The following COQ5 variants were observed in gnomAD, a reference collection of about 807,000 sequenced individuals.
COQ5 encodes the protein 2-methoxy-6-polyprenyl-1,4-benzoquinol methylase, mitochondrial.
COQ5 carries 27 observed loss-of-function variants against 40.5 expected under a neutral mutation model. The ratio of observed to expected loss-of-function variants is 0.67; its 90% CI spans 0.49 to 0.92. The LOEUF (loss-of-function observed/expected upper bound fraction) is 0.92. COQ5 is among the 40% of genes least tolerant of loss of function. The probability of loss-of-function intolerance (pLI) is 0.00; values close to 1 mark genes in which losing one functional copy is unlikely to be tolerated. For missense variants in COQ5, 409 were observed against 406.4 expected (o/e 1.01, Z -0.06); for synonymous variants, 141 against 150.0 (o/e 0.94, Z 0.44).
intron 3 of COQ5, among the ~76,000 whole-genome samples, chr12:120,511,160 G>A (rs1346951149): frequency 8.6e-5 from 13 of 151,788 alleles, no homozygotes; most frequent in African/African-American, 3.1e-4. Flanking sequence ...GGGAGGCTGA[G>A]GCAGGAGAAT....
chr12:120,508,957 A>G (rs1366141158), intron 4 of COQ5, among the ~76,000 whole-genome samples: 1 of 151,830 alleles, frequency 6.6e-6, no homozygotes, highest in Non-Finnish European at 1.5e-5. Flanking sequence ...CCCAGGAGAC[A>G]GAGGTTGTAG....
chr12:120,528,824 A>T, intron 1 of COQ5, 116 bp downstream of exon 1: 1 of 1,010,804 alleles, frequency 9.9e-7, no homozygotes, highest in East Asian at 2.4e-5. Context: ...AAAAAATCAT[A>T]ACTGCACAGA....
intron 2 of COQ5, among the ~76,000 whole-genome samples, chr12:120,520,235 C>T (rs1476505146): frequency 1.3e-5 from 2 of 151,846 alleles, no homozygotes; most frequent in African/African-American, 4.8e-5. Flanking sequence ...CCTCTGCCTC[C>T]TGGGTTCCAG....
chr12:120,528,058 A>C (rs1433983522), intron 1 of COQ5, among the ~76,000 whole-genome samples: 1 of 143,888 alleles, frequency 6.9e-6, no homozygotes, highest in African/African-American at 2.5e-5. Context: ...AAAAATTAGC[A>C]GGGCACAGTG....
chr12:120,520,068 T>C (rs1320442642), intron 2 of COQ5, among the ~76,000 whole-genome samples: 2 of 151,856 alleles, frequency 1.3e-5, no homozygotes, highest in East Asian at 3.8e-4. Context: ...TTTATCATTA[T>C]ACATTACTCT....
chr12:120,522,320 C>A lies in COQ5; in HGVS notation c.246G>T (p.Met82Ile). The change falls in exon 2 of 7, where the codon ATG becomes ATT. Residue 82 changes from methionine (M) to isoleucine (I), a missense_variant. Met to Ile is a conservative substitution (Grantham distance 10). Coordinates refer to ENST00000288532, the MANE Select transcript of COQ5 (RefSeq NM_032314.4). ...GGATACCAAGACTCATCATATCATT[C>A]ATCACATCATACTTCTTAGCCACAC... The part of the protein sequence containing the change: ...FESVAKKYDV[M>I]NDMMSLGIHR... 6.2e-7 allele frequency: 1 copy of A among 1,613,808 alleles called. No individual in the cohort carries two copies.
In COQ5 at chr12:120,510,077, A is replaced by C. The variant is rs757483650; in HGVS notation, c.621T>G (p.Asp207Glu). The part of the protein sequence containing the change: ...LGDAEELPFD[D>E]DKFDIYTIAF... ...CAATGGTGTAAATATCAAACTTGTC[A>C]TCATCAAAGGGCAGTTCTTCAGCAT... Residue 207 changes from aspartate to glutamate, a missense_variant, in exon 4 of 7, where the codon GAT (aspartate) becomes GAG (glutamate). Physicochemically the swap from Asp to Glu is conservative, Grantham distance 45. Coordinates refer to ENST00000288532, the MANE Select transcript of COQ5 (RefSeq NM_032314.4). The C allele has an allele frequency of 5.6e-6, 9 of 1,614,000 alleles. No individual in the cohort carries two copies. Among genetic ancestry groups the C allele is most frequent in the Middle Eastern group, 1.6e-4 (1 of 6,084 alleles).
chr12:120,504,113 T>G, intron 5 of COQ5, 32 bp from the exon 6 acceptor site: 101 of 1,226,112 alleles, frequency 8.2e-5, no homozygotes, highest in Non-Finnish European at 1.0e-4. Context: ...AGATGAAGAT[T>G]AGAACATGCC....
chr12:120,509,957 G>T, intron 4 of COQ5, 60 bp downstream of exon 4: 1 of 1,308,398 alleles, frequency 7.6e-7, no homozygotes, highest in Non-Finnish European at 1.1e-6. Context: ...ACTCACTGTA[G>T]CTCTACAACA....
intron 1 of COQ5, among the ~76,000 whole-genome samples, chr12:120,527,851 G>C (rs1156297288): frequency 1.3e-5 from 2 of 151,622 alleles, no homozygotes; most frequent in Non-Finnish European, 2.9e-5. Context: ...GCCGGGCATG[G>C]TGGCGGGCCC....
Position 120,522,313 on chromosome 12 carries a change from T to C in COQ5, c.253A>G (p.Met85Val), listed in dbSNP as rs779538501. The C allele has an allele frequency of 6.8e-6, 11 of 1,613,758 alleles. No homozygotes were observed. In the East Asian group the frequency reaches 1.3e-4, roughly 20 times the overall value. The change falls in exon 2 of 7, where the codon ATG becomes GTG. Residue 85 changes from methionine (M) to valine (V), a missense_variant. By Grantham distance (21) the Met-to-Val change is conservative. Coordinates refer to ENST00000288532, the MANE Select transcript of COQ5 (RefSeq NM_032314.4). ...ACACGATGGATACCAAGACTCATCA[T>C]ATCATTCATCACATCATACTTCTTA... is the stretch of plus-strand genomic sequence containing the variant. ...VAKKYDVMNDMMSLGIHRVWK... is the reference protein window; with the variant it reads ...VAKKYDVMNDVMSLGIHRVWK...
intron 3 of COQ5, among the ~76,000 whole-genome samples, chr12:120,513,538 C>CT (rs756768156): frequency 2.3e-3 from 323 of 139,572 alleles, no homozygotes; most frequent in Middle Eastern, 3.7e-3. Context: ...TACACATTAA[C>CT]TTTTTTTTTT....
At chr12:120,528,824 AACTGCACAGACAACAAC>A in intron 1 of COQ5, 99 bp downstream of exon 1, 1 of 1,010,806 alleles carries the variant, frequency 9.9e-7, no homozygotes, top group South Asian at 1.3e-5. Context: ...AAAAAATCAT[AACTGCACAGACAACAAC>A]ACTGGAACTA....
In COQ5 at chr12:120,503,462, G is replaced by A. The variant is rs1868724038; in HGVS notation, c.*322C>T. ...TCTAGAAGGCAGCACCAGCAGAGAA[G>A]CTATAAATACACTCACTTCAAAACT... On this transcript the variant is annotated 3_prime_UTR_variant, in exon 7 of 7. Transcript: ENST00000288532. 6.4e-6 allele frequency: 3 copies of A among 471,010 alleles called. No homozygotes were observed. The highest frequency in any genetic ancestry group is 1.3e-5 in the Non-Finnish European group (3 of 239,792). The allele number at this position is 471,010 out of a possible 1,614,324, so 29.2% of individuals were successfully genotyped here.
chr12:120,522,525 T>A (rs1002971829), intron 1 of COQ5, 162 bp from the exon 2 acceptor site: 28 of 685,700 alleles, frequency 4.1e-5, no homozygotes, highest in Non-Finnish European at 6.9e-5. Flanking sequence ...TAACATTACC[T>A]CTTTATTGAT....
intron 1 of COQ5, among the ~76,000 whole-genome samples, chr12:120,524,525 G>A (rs1193216108): frequency 6.6e-6 from 1 of 152,112 alleles, no homozygotes. Flanking sequence ...CTCCCAAAGT[G>A]CTAGGATTAT....
Position 120,503,532 on chromosome 12 carries a change from A to G in COQ5, c.*252T>C, listed in dbSNP as rs1368480839. 2 of 614,248 alleles carry G rather than the reference A, an allele frequency of 3.3e-6. No homozygotes were observed. The highest frequency in any genetic ancestry group is 5.1e-4 in the Middle Eastern group (2 of 3,902). 38.0% of individuals were successfully genotyped at this position (614,248 alleles called of 1,614,324 possible). ...ACCTTAACCACACACCCTACAGCCA[A>G]GAGAAATTAGCAGTTGAGCAAAGAT... On this transcript the variant is annotated 3_prime_UTR_variant, in exon 7 of 7. Transcript: ENST00000288532.
At chr12:120,504,404 T>A (rs1042516711) in intron 5 of COQ5, among the ~76,000 whole-genome samples, 17 of 140,152 alleles carry the variant, frequency 1.2e-4, no homozygotes, top group African/African-American at 2.5e-4. Context: ...ATTTCCTGAT[T>A]TAAATTTTTT....
At chr12:120,517,934 A>G (rs577295469) in intron 2 of COQ5, among the ~76,000 whole-genome samples, 20 of 151,730 alleles carry the variant, frequency 1.3e-4, no homozygotes, top group Non-Finnish European at 2.5e-4. Context: ...CAGCCTCCCA[A>G]GTGGCTGGGA....
Sources: allele counts gnomAD v4.1 joint callset (sites outside exome capture counted in the v4.1 genomes callset), GRCh38; gene constraint gnomAD v4.1.1; transcripts MANE v1.5; gene names NCBI Gene and HGNC (gene_info 2026-07-23, HGNC 2026-07-21).